Variants in ECI2 observed in about 807,000 individuals in gnomAD.
ECI2 encodes enoyl-CoA delta isomerase 2.
Under a neutral mutation model 38.4 loss-of-function variants are expected in ECI2, and 27 were observed. The observed-to-expected ratio is 0.70, with a 90% CI of 0.52 to 0.97. The LOEUF (loss-of-function observed/expected upper bound fraction) is 0.97. Ranked by LOEUF, ECI2 falls within the 50% of genes least tolerant of loss-of-function variation. ECI2 has a pLI of 0.00. For synonymous variants in ECI2, 168 were observed against 172.0 expected (o/e 0.98, Z 0.18); for missense variants, 470 against 474.4 (o/e 0.99, Z 0.09).
chr6:4,122,103 C>A, intron 7 of ECI2: 2 of 1,107,750 alleles, frequency 1.8e-6, no homozygotes, highest in Non-Finnish European at 2.7e-6. Context: ...AGAAAGAGAG[C>A]AGCAGGTGGA....
chr6:4,121,841 C>A, intron 7 of ECI2: 1 of 465,236 alleles, frequency 2.1e-6, no homozygotes. Flanking sequence ...TACTATATAA[C>A]TGTTAGAAGA....
In ECI2 at chr6:4,130,438, G is replaced by A. The variant is rs566211752; in HGVS notation, c.435C>T (p.Thr145=). The change falls in exon 4 of 10, where the codon ACC becomes ACT. Residue 145 remains threonine, a synonymous_variant. Transcript: ENST00000380118. ...KSTGFETLVV[T]SEDGITKIMF... The stretch of plus-strand genomic sequence containing the variant: ...TGATCTTTGTGATGCCATCTTCGGA[G>A]GTCACCACCAGAGTTTCAAACCCAG... 1.4e-5 allele frequency: 23 copies of A among 1,614,038 alleles called. No individual in the cohort carries two copies. The highest frequency in any genetic ancestry group is 1.9e-5 in the Non-Finnish European group (23 of 1,180,036).
intron 9 of ECI2, 79 bp downstream of exon 9, chr6:4,117,229 C>CTT: frequency 6.6e-7 from 1 of 1,508,514 alleles, no homozygotes; most frequent in Non-Finnish European, 8.9e-7. Flanking sequence ...CTTTTTATGA[C>CTT]TTATTCTCTG....
intron 7 of ECI2, among the ~76,000 whole-genome samples, chr6:4,119,758 CAAAT>C (rs1772555367): frequency 6.6e-6 from 1 of 152,170 alleles, no homozygotes; most frequent in Non-Finnish European, 1.5e-5. Flanking sequence ...TGAGTTTGAA[CAAAT>C]AGAGAGTTAC....
In ECI2 at chr6:4,122,097, A is replaced by T. The variant is rs547780003; in HGVS notation, c.796-2822T>A. 222 of 1,155,184 alleles carry T rather than the reference A, an allele frequency of 1.9e-4. 3 individuals carry two copies. The South Asian group carries it at 2.9e-3, about 15-fold the overall frequency. 71.6% of individuals were successfully genotyped at this position (1,155,184 alleles called of 1,614,324 possible). A position where few individuals can be genotyped will look rare whatever the true frequency, so the allele number is the denominator to read the frequency against. ...GCATTTAAAATGCTGATTTTCAGAA[A>T]GAGAGCAGCAGGTGGAGTTAAGGGT... On this transcript the variant is annotated intron_variant, in intron 7 of 9. Transcript: ENST00000380118.
At chr6:4,126,371 A>C in intron 5 of ECI2, 134 bp from the exon 6 acceptor site, 1 of 686,600 alleles carries the variant, frequency 1.5e-6, no homozygotes, top group Non-Finnish European at 2.4e-6. Flanking sequence ...CCTAACTTAC[A>C]AACTAGTGAG....
At chr6:4,128,321 G>A (rs1442051353) in intron 4 of ECI2, among the ~76,000 whole-genome samples, 3 of 152,056 alleles carry the variant, frequency 2.0e-5, no homozygotes, top group African/African-American at 7.2e-5. Context: ...AGTCTGGGAA[G>A]TGTTAGTGAC....
chr6:4,126,999 C>G (rs754200841), intron 5 of ECI2, among the ~76,000 whole-genome samples: 1 of 152,194 alleles, frequency 6.6e-6, no homozygotes, highest in Admixed American at 6.5e-5. Flanking sequence ...AAGGCAATCA[C>G]TTTCTGACTT....
intron 4 of ECI2, among the ~76,000 whole-genome samples, chr6:4,128,253 T>G (rs1773305753): frequency 6.6e-6 from 1 of 151,698 alleles, no homozygotes; most frequent in South Asian, 2.1e-4. Flanking sequence ...TGGGAGGTGG[T>G]CAGAGAAAAC....
Position 4,127,792 on chromosome 6 carries a change from T to C in ECI2, c.541A>G (p.Lys181Glu). Residue 181 changes from lysine to glutamate, a missense_variant, in exon 5 of 10, where the codon AAG becomes GAG. Lys to Glu is a moderately conservative substitution (Grantham distance 56, BLOSUM62 1). Coordinates refer to ENST00000380118, the MANE Select transcript of ECI2 (RefSeq NM_206836.3). ...EIMRALKAASKDDSIITVLTG... is the reference protein window; with the variant it reads ...EIMRALKAASEDDSIITVLTG... ...AAAACAGTGATGATTGAGTCATCCT[T>C]GCTGGCAGCTTTAAGTGCACGCATA... 1 of 1,613,472 alleles carries C rather than the reference T, an allele frequency of 6.2e-7. No homozygotes were observed. The highest frequency in any genetic ancestry group is 8.5e-7 in the Non-Finnish European group (1 of 1,179,730).
intron 4 of ECI2, among the ~76,000 whole-genome samples, chr6:4,128,840 C>T (rs778740881): frequency 1.3e-5 from 2 of 152,072 alleles, no homozygotes; most frequent in Admixed American, 6.6e-5. Context: ...CTTCAGGTTC[C>T]GCGGATTTTG....
chr6:4,119,115 A>C, intron 8 of ECI2, 71 bp downstream of exon 8: 2 of 1,263,764 alleles, frequency 1.6e-6, no homozygotes, highest in Non-Finnish European at 2.3e-6. Flanking sequence ...AAGGGAGAGT[A>C]TATGAGATTA....
At position 4,117,360 on chromosome 6, in the gene ECI2, A is replaced by C. The variant is rs201392950; in HGVS notation, c.977T>G (p.Phe326Cys). Residue 326 changes from phenylalanine (F) to cysteine (C), a missense_variant, in exon 9 of 10, where the codon TTT becomes TGT. Transcript: ENST00000380118. ...LVTEVFPDST[F>C]QKEVWTRLKA... The stretch of plus-strand genomic sequence containing the variant: ...CAGCCTGGTCCAGACTTCTTTCTGA[A>C]AAGTGCTATCAGGGAAAACTTCAGT... 9.0e-5 allele frequency: 146 copies of C among 1,613,924 alleles called. 2 individuals are homozygous for C. In the South Asian group the frequency reaches 1.5e-3, roughly 17 times the overall value.
At chr6:4,130,903 T>C (rs779946632) in intron 2 of ECI2, 38 bp from the exon 3 acceptor site, 7 of 1,586,366 alleles carry the variant, frequency 4.4e-6, no homozygotes, top group Non-Finnish European at 6.0e-6. Context: ...CAAATGTCCA[T>C]GTAAACTAGA....
intron 4 of ECI2, among the ~76,000 whole-genome samples, chr6:4,128,954 T>G (rs898732619): frequency 1.3e-5 from 2 of 152,180 alleles, no homozygotes; most frequent in African/African-American, 4.8e-5. Context: ...GATAAGGAAC[T>G]CATTCTATCA....
At position 4,133,556 on chromosome 6, in the gene ECI2, T is replaced by C. The variant is rs373093644; in HGVS notation, c.206A>G (p.Tyr69Cys). 4.3e-6 allele frequency: 7 copies of C among 1,611,028 alleles called. No homozygotes were observed. Among genetic ancestry groups the C allele is most frequent in the Middle Eastern group, 3.3e-4 (2 of 6,076 alleles). ...NEVKLKLYALYKQATEGPCNM... is the reference protein window; with the variant it reads ...NEVKLKLYALCKQATEGPCNM... ...TCGACCGTAGGCATTTACCTGCTTATATAGCGCGTAGAGTTTTAGCTTCAC... is the reference window on the plus strand; with the variant it reads ...TCGACCGTAGGCATTTACCTGCTTACATAGCGCGTAGAGTTTTAGCTTCAC... Residue 69 changes from tyrosine (Y) to cysteine (C), a missense_variant, in exon 2 of 10, where the codon TAT becomes TGT. Transcript: ENST00000380118.
intron 4 of ECI2, among the ~76,000 whole-genome samples, chr6:4,128,851 T>C (rs1202672074): frequency 6.6e-6 from 1 of 152,212 alleles, no homozygotes; most frequent in Non-Finnish European, 1.5e-5. Context: ...GCGGATTTTG[T>C]TGTCCACACG....
chr6:4,132,540 G>A (rs1222213377), intron 2 of ECI2, among the ~76,000 whole-genome samples: 2 of 152,186 alleles, frequency 1.3e-5, no homozygotes, highest in Non-Finnish European at 2.9e-5. Flanking sequence ...ATATGAAAGA[G>A]AAGCTCATAC....
chr6:4,130,593 T>C (rs771168760), intron 3 of ECI2, 33 bp from the exon 4 acceptor site: 8 of 1,614,042 alleles, frequency 5.0e-6, no homozygotes, highest in Admixed American at 1.7e-5. Context: ...CCTCAGCCCA[T>C]GGTCAATGAA....
Sources: gnomAD v4.1 joint callset for allele counts (sites outside exome capture counted in the v4.1 genomes callset) on GRCh38, gnomAD v4.1.1 for gene constraint, MANE v1.5 for transcripts, NCBI Gene and HGNC (gene_info 2026-07-23, HGNC 2026-07-21) for gene names.